GPD1L: variants seen among roughly 807,000 people sequenced by gnomAD.
GPD1L encodes glycerol-3-phosphate dehydrogenase 1-like protein.
A neutral mutation model predicts 32.9 loss-of-function variants in GPD1L; 17 were observed. The ratio of observed to expected loss-of-function variants is 0.52; its 90% confidence interval spans 0.35 to 0.78. The LOEUF is 0.78. GPD1L is among the 30% of genes least tolerant of loss of function. The pLI, the probability that GPD1L is intolerant of heterozygous loss-of-function variation, is 0.01. For missense variants in GPD1L, 361 were observed against 447.8 expected (o/e 0.81, Z 1.75); for synonymous variants, 187 against 165.9 (o/e 1.13, Z -0.98).
intron 5 of GPD1L, chr3:32,158,449 C>G (rs1305465032): frequency 3.5e-6 from 1 of 286,796 alleles, no homozygotes; most frequent in Non-Finnish European, 6.8e-6. Context: ...AGTGTGCTGG[C>G]TATGGGGGTA....
intron 7 of GPD1L, among the ~76,000 whole-genome samples, chr3:32,163,998 C>T (rs575804469): frequency 6.6e-6 from 1 of 152,336 alleles, no homozygotes; most frequent in African/African-American, 2.4e-5. Context: ...CTTTTACACT[C>T]AGGAAGGGAA....
In GPD1L at chr3:32,168,206, A is replaced by C. The variant is rs1012171705; in HGVS notation, c.*2296A>C. ...ACTTAGGATATTCTGCACATTATGG[A>C]AAAAGGTAAATTTTAGAAGTTTCTG... On this transcript the variant is annotated 3_prime_UTR_variant, in exon 8 of 8. Coordinates refer to ENST00000282541, the MANE Select transcript of GPD1L (RefSeq NM_015141.4). The C allele has an allele frequency of 2.6e-5, 4 of 152,588 alleles. No individual in the cohort carries two copies. Among genetic ancestry groups the C allele is most frequent in the Non-Finnish European group, 2.9e-5 (2 of 68,028 alleles). The allele number at this position is 152,588 out of a possible 1,614,324, so 9.5% of individuals were successfully genotyped here.
intron 1 of GPD1L, among the ~76,000 whole-genome samples, chr3:32,110,572 G>T (rs957912004): frequency 1.3e-5 from 2 of 152,250 alleles, no homozygotes; most frequent in African/African-American, 4.8e-5. Context: ...AATCTAGCTG[G>T]CTTGCCAGGG....
At chr3:32,136,722 C>T (rs1405110333) in intron 2 of GPD1L, among the ~76,000 whole-genome samples, 1 of 152,160 alleles carries the variant, frequency 6.6e-6, no homozygotes, top group African/African-American at 2.4e-5. Flanking sequence ...TAGAAATACT[C>T]CAGTGGTTTG....
rs1184960043 is a variant in GPD1L at position 32,121,300 on chromosome 3, A to T, written c.48-6776A>T. Reference sequence around the variant, plus strand: ...TCTGGATGTGTTGGTTCTAGATAAAATCTGTGCCTATTGTTGGCCATGCCA... The same window carrying T: ...TCTGGATGTGTTGGTTCTAGATAAATTCTGTGCCTATTGTTGGCCATGCCA... On this transcript the variant is annotated intron_variant, in intron 1 of 7. Coordinates refer to ENST00000282541, the MANE Select transcript of GPD1L (RefSeq NM_015141.4). Among the ~76,000 whole-genome samples the T allele has an allele frequency of 8.6e-5, 13 of 151,240 alleles. No individual in the cohort carries two copies. The Admixed American group carries it at 8.6e-4, about 10-fold the overall frequency.
intron 5 of GPD1L, among the ~76,000 whole-genome samples, chr3:32,153,487 G>A (rs1289004317): frequency 6.6e-6 from 1 of 152,186 alleles, no homozygotes; most frequent in Non-Finnish European, 1.5e-5. Flanking sequence ...TCCAGCTAAG[G>A]CAGCTTCATA....
intron 1 of GPD1L, among the ~76,000 whole-genome samples, chr3:32,108,959 C>T (rs1700206805): frequency 6.6e-6 from 1 of 152,210 alleles, no homozygotes; most frequent in Admixed American, 6.5e-5. Flanking sequence ...ATGCCATTCT[C>T]CTGCCTCAGC....
chr3:32,149,440 C>T (rs954507459), intron 5 of GPD1L, among the ~76,000 whole-genome samples: 9 of 152,040 alleles, frequency 5.9e-5, no homozygotes, highest in African/African-American at 9.7e-5. Flanking sequence ...TGTACATTAT[C>T]TTTTTTGTAC....
chr3:32,137,910 G>T (rs1700689782), intron 2 of GPD1L, among the ~76,000 whole-genome samples: 1 of 152,198 alleles, frequency 6.6e-6, no homozygotes. Context: ...ATCAACAGGG[G>T]TTGGTGAAGT....
At chr3:32,107,290 C>T (rs929722547) in intron 1 of GPD1L, among the ~76,000 whole-genome samples, 9 of 152,116 alleles carry the variant, frequency 5.9e-5, no homozygotes, top group Admixed American at 2.6e-4. Flanking sequence ...ATCTTAGGCG[C>T]GTCGTATCAG....
chr3:32,129,643 G>A (rs1700558902), intron 2 of GPD1L, among the ~76,000 whole-genome samples: 1 of 152,154 alleles, frequency 6.6e-6, no homozygotes, highest in South Asian at 2.1e-4. Flanking sequence ...TTGCCTTCTA[G>A]ACAGTGATGA....
At chr3:32,111,290 C>G (rs1700242542) in intron 1 of GPD1L, among the ~76,000 whole-genome samples, 1 of 152,194 alleles carries the variant, frequency 6.6e-6, no homozygotes, top group Non-Finnish European at 1.5e-5. Context: ...AAGCATATGT[C>G]CAGAAACACA....
In GPD1L at chr3:32,166,185, A is replaced by T; in HGVS notation, c.*275A>T. 2.1e-6 allele frequency: 1 copy of T among 476,360 alleles called. No individual in the cohort carries two copies. The highest frequency in any genetic ancestry group is 2.2e-5 in the South Asian group (1 of 45,830). 29.5% of individuals were successfully genotyped at this position (476,360 alleles called of 1,614,324 possible). A position where few individuals can be genotyped will look rare whatever the true frequency, so the allele number is the denominator to read the frequency against. Reference sequence around the variant, plus strand: ...CAAAATTTGATGTCTTTTTTTCAAAATTGCTTATGAAATTTCCACACAATC... The same window carrying T: ...CAAAATTTGATGTCTTTTTTTCAAATTTGCTTATGAAATTTCCACACAATC... On this transcript the variant is annotated 3_prime_UTR_variant, in exon 8 of 8. Transcript: ENST00000282541.
At position 32,122,956 on chromosome 3, in the gene GPD1L, T is replaced by C. The variant is rs187667120; in HGVS notation, c.48-5120T>C. ...GTTGTGTGCCATTACCCAGGCTGGA[T>C]TGCGGTGGTATGATCATGGCTTACT... On this transcript the variant is annotated intron_variant, in intron 1 of 7. Coordinates refer to ENST00000282541, the MANE Select transcript of GPD1L (RefSeq NM_015141.4). Among the ~76,000 whole-genome samples, 526 of 152,314 alleles carry C rather than the reference T, an allele frequency of 3.5e-3. 3 individuals are homozygous for C. Among genetic ancestry groups the C allele is most frequent in the African/African-American group, 0.011 (466 of 41,566 alleles).
At chr3:32,143,899 T>C (rs1174636103) in intron 4 of GPD1L, among the ~76,000 whole-genome samples, 1 of 152,090 alleles carries the variant, frequency 6.6e-6, no homozygotes, top group Non-Finnish European at 1.5e-5. Flanking sequence ...AGAGGATTGC[T>C]TCAGCGTGGG....
At chr3:32,164,404 A>G (rs1324541906) in intron 7 of GPD1L, among the ~76,000 whole-genome samples, 2 of 152,246 alleles carry the variant, frequency 1.3e-5, no homozygotes, top group African/African-American at 4.8e-5. Flanking sequence ...AGGATACAGT[A>G]GTGAAAAAAA....
At chr3:32,142,427 T>C (rs1237987520) in intron 4 of GPD1L, among the ~76,000 whole-genome samples, 1 of 152,216 alleles carries the variant, frequency 6.6e-6, no homozygotes, top group South Asian at 2.1e-4. Context: ...GATTTCATTC[T>C]TTTTTAATGG....
intron 1 of GPD1L, among the ~76,000 whole-genome samples, chr3:32,107,088 G>A (rs1700175395): frequency 6.6e-6 from 1 of 152,190 alleles, no homozygotes; most frequent in Non-Finnish European, 1.5e-5. Flanking sequence ...ATATCCTAAG[G>A]GCGTATTCCG....
At chr3:32,130,040 C>T (rs983261355) in intron 2 of GPD1L, among the ~76,000 whole-genome samples, 27 of 152,094 alleles carry the variant, frequency 1.8e-4, no homozygotes, top group African/African-American at 5.6e-4. Flanking sequence ...CACCCACAGT[C>T]CCTAGCACAG....
Sources: gnomAD v4.1 joint callset for allele counts (sites outside exome capture counted in the v4.1 genomes callset) on GRCh38, gnomAD v4.1.1 for gene constraint, MANE v1.5 for transcripts, NCBI Gene and HGNC (gene_info 2026-07-23, HGNC 2026-07-21) for gene names.